The following AFF3 variants were observed in gnomAD, a reference collection of about 807,000 sequenced individuals.
The protein encoded by AFF3 is AF4/FMR2 family member 3.
AFF3 carries 32 observed loss-of-function variants against 129.7 expected under a neutral mutation model. That is an observed-to-expected ratio of 0.25 (90% CI 0.19 to 0.33). AFF3 has a LOEUF of 0.33. AFF3 is among the 10% of genes least tolerant of loss of function. The pLI is 1.00. For missense variants in AFF3, 1,373 were observed against 1,592.0 expected, an observed-to-expected ratio of 0.86 and a Z score of 2.34; for synonymous variants, 644 against 635.4, an observed-to-expected ratio of 1.01 and a Z score of -0.20.
At chr2:99,760,955 C>T (rs564906117) in intron 8 of AFF3, among the ~76,000 whole-genome samples, 4 of 149,464 alleles carry the variant, frequency 2.7e-5, no homozygotes, top group African/African-American at 7.4e-5. Flanking sequence ...GAGATAAAGT[C>T]TCACTAAGTT....
chr2:99,887,939 G>A (rs983687532), intron 7 of AFF3, among the ~76,000 whole-genome samples: 4 of 152,056 alleles, frequency 2.6e-5, no homozygotes, highest in Admixed American at 2.0e-4. Flanking sequence ...AAACAGGCAC[G>A]TCCCTAAATG....
intron 1 of AFF3, among the ~76,000 whole-genome samples, chr2:100,141,564 C>G (rs916829616): frequency 6.6e-6 from 1 of 152,200 alleles, no homozygotes; most frequent in Non-Finnish European, 1.5e-5. Flanking sequence ...TTTACCACCA[C>G]TTTGTTATTG....
rs140942449 is a variant in AFF3, at chr2:99,715,495, T to G, written c.1091+11582A>C. On this transcript the variant is annotated intron_variant, in intron 11 of 24. Transcript: ENST00000672756. ...TAATTTTTGAAGAAGGAACATTTCA[T>G]GGGTCTGAGCTTATAACAGTTATAA... Among the ~76,000 whole-genome samples the G allele has an allele frequency of 5.8e-3, 881 of 152,288 alleles. 15 individuals are homozygous for G. The highest frequency in any genetic ancestry group is 0.02 in the African/African-American group (842 of 41,568).
chr2:99,607,415 C>A (rs1289738303), intron 13 of AFF3, among the ~76,000 whole-genome samples: 2 of 151,748 alleles, frequency 1.3e-5, no homozygotes, highest in African/African-American at 4.8e-5. Flanking sequence ...GCCTATAATC[C>A]CAGCAACTCG....
chr2:99,676,807 G>C (rs1405780472), intron 11 of AFF3, among the ~76,000 whole-genome samples: 1 of 152,214 alleles, frequency 6.6e-6, no homozygotes, highest in Admixed American at 6.5e-5. Context: ...CAGCTGGTCT[G>C]AGTGGCTTTA....
chr2:100,043,300 C>T (rs577433012), intron 4 of AFF3, among the ~76,000 whole-genome samples: 6 of 152,268 alleles, frequency 3.9e-5, no homozygotes, highest in African/African-American at 1.4e-4. Context: ...GGCCTCAGCT[C>T]CAGTCGGGAA....
chr2:99,762,197 T>C (rs994509749), intron 8 of AFF3, among the ~76,000 whole-genome samples: 1 of 151,108 alleles, frequency 6.6e-6, no homozygotes, highest in Admixed American at 6.6e-5. Context: ...TGATCTCAGC[T>C]CACTGCAACC....
At chr2:100,128,462 T>G (rs1437377) in intron 2 of AFF3, among the ~76,000 whole-genome samples, 31,384 of 152,108 alleles carry the variant, frequency 0.21, 4,583 homozygotes, top group African/African-American at 0.41. Context: ...TGTGGTTGGT[T>G]AAGGAAGACC....
At chr2:99,846,416 C>T (rs1487842583) in intron 7 of AFF3, among the ~76,000 whole-genome samples, 2 of 152,374 alleles carry the variant, frequency 1.3e-5, no homozygotes, top group African/African-American at 4.8e-5. Flanking sequence ...AGGCGTGAGC[C>T]ACTGCGCCTG....
chr2:99,708,144 T>A (rs1270672779), intron 11 of AFF3, among the ~76,000 whole-genome samples: 2 of 152,204 alleles, frequency 1.3e-5, no homozygotes, highest in African/African-American at 4.8e-5. Flanking sequence ...GGGACATACA[T>A]ATTGTAAAAA....
chr2:99,859,255 C>T (rs1690785765), intron 7 of AFF3, among the ~76,000 whole-genome samples: 1 of 152,224 alleles, frequency 6.6e-6, no homozygotes, highest in South Asian at 2.1e-4. Context: ...CTGGAGCTAT[C>T]TGCAGACATG....
intron 18 of AFF3, among the ~76,000 whole-genome samples, chr2:99,576,379 G>A (rs1023943451): frequency 6.6e-6 from 1 of 151,728 alleles, no homozygotes; most frequent in Non-Finnish European, 1.5e-5. Context: ...AACTGGGTGT[G>A]GTAGCATGCA....
chr2:100,115,552 T>C (rs1490994414), intron 2 of AFF3, among the ~76,000 whole-genome samples: 1 of 152,214 alleles, frequency 6.6e-6, no homozygotes, highest in Non-Finnish European at 1.5e-5. Flanking sequence ...AGGGAGACGC[T>C]GTCTCAAAAA....
chr2:100,083,419 C>T (rs1043368355), intron 4 of AFF3, among the ~76,000 whole-genome samples: 4 of 152,180 alleles, frequency 2.6e-5, no homozygotes, highest in South Asian at 2.1e-4. Flanking sequence ...TCACCGCAAG[C>T]CCCTGCTGGT....
rs370926470 is a variant in AFF3, at chr2:99,632,108, C to T, written c.1184+17518G>A. On this transcript the variant is annotated intron_variant, in intron 13 of 24. Transcript: ENST00000672756. ...TCAGCTCACTGCAGCCTCCACCTCC[C>T]GGGTTCAAGCAATTCTCCCGCCTTA... Among the ~76,000 whole-genome samples, 22 of 150,868 alleles carry T rather than the reference C, an allele frequency of 1.5e-4. 1 individual carries two copies. In the South Asian group the frequency reaches 1.7e-3, roughly 12 times the overall value.
rs375104295 is a variant in AFF3, at chr2:99,739,423, G to A, written c.1039+4681C>T. ...TTTATTTCCATTTCTACAGCTTCAT[G>A]GCTATTAGGTGGGGATTCTGAAGGA... On this transcript the variant is annotated intron_variant, in intron 10 of 24. Coordinates refer to ENST00000672756, the MANE Select transcript of AFF3 (RefSeq NM_001386135.1). 9.6e-4 allele frequency among the ~76,000 whole-genome samples: 146 copies of A among 152,206 alleles called. 1 individual carries two copies. Among genetic ancestry groups the A allele is most frequent in the African/African-American group, 3.4e-3 (140 of 41,502 alleles).
In AFF3 at chr2:99,766,742, C is replaced by A. The variant is rs531935167; in HGVS notation, c.922-14441G>T. 5.3e-5 allele frequency among the ~76,000 whole-genome samples: 8 copies of A among 152,160 alleles called. No homozygotes were observed. In the East Asian group the frequency reaches 1.5e-3, roughly 29 times the overall value. On this transcript the variant is annotated intron_variant, in intron 8 of 24. Transcript: ENST00000672756. ...TTTCTAGAAGACTGAATCAGTATAG[C>A]CTGATAAAGTGCTTATCCATTGGGA...
chr2:99,657,393 T>C (rs1389887090), intron 12 of AFF3, among the ~76,000 whole-genome samples: 1 of 152,186 alleles, frequency 6.6e-6, no homozygotes, highest in Non-Finnish European at 1.5e-5. Context: ...ATTCTAGTCA[T>C]TTTTGGGGAG....
At position 99,945,710 on chromosome 2, in the gene AFF3, C is replaced by T. The variant is rs181550650; in HGVS notation, c.873+60922G>A. On this transcript the variant is annotated intron_variant, in intron 7 of 24. Transcript: ENST00000672756. ...CAGCTTCTTGTGGACTTTATAACCTCGTCTACCAGTATTGTTATAGATGGC... is the reference window on the plus strand; with the variant it reads ...CAGCTTCTTGTGGACTTTATAACCTTGTCTACCAGTATTGTTATAGATGGC... Among the ~76,000 whole-genome samples, 505 of 152,290 alleles carry T rather than the reference C, an allele frequency of 3.3e-3. 4 individuals carry two copies. The highest frequency in any genetic ancestry group is 0.011 in the African/African-American group (473 of 41,554).
Sources: gnomAD v4.1 joint callset for allele counts (sites outside exome capture counted in the v4.1 genomes callset) on GRCh38, gnomAD v4.1.1 for gene constraint, MANE v1.5 for transcripts, NCBI Gene and HGNC (gene_info 2026-07-23, HGNC 2026-07-21) for gene names.